NME8: variants seen among roughly 807,000 people sequenced by gnomAD.
NME8 encodes the protein NME/NM23 family member 8, also known as protein NME8.
In NME8, 72 loss-of-function variants were observed where a neutral mutation model predicts 82.3. That is an observed-to-expected ratio of 0.87 (90% CI 0.72 to 1.06). The LOEUF is 1.06. Ranked by LOEUF, NME8 falls within the 50% of genes least tolerant of loss-of-function variation. The probability of loss-of-function intolerance (pLI) is 0.00; values close to 1 mark genes in which losing one functional copy is unlikely to be tolerated. For missense variants in NME8, 712 were observed against 685.4 expected (o/e 1.04, Z -0.43); for synonymous variants, 267 against 228.5 (o/e 1.17, Z -1.52).
intron 11 of NME8, among the ~76,000 whole-genome samples, chr7:37,869,156 G>A (rs576660749): frequency 6.6e-6 from 1 of 152,248 alleles, no homozygotes; most frequent in South Asian, 2.1e-4. Flanking sequence ...CTTTTCTTGG[G>A]TGCCTACCTC....
At chr7:37,862,249 T>C in intron 7 of NME8, 105 bp downstream of exon 7, 1 of 757,598 alleles carries the variant, frequency 1.3e-6, no homozygotes, top group Non-Finnish European at 2.4e-6. Context: ...CTTTGAGTAC[T>C]TTATGTCTTT....
rs779678097 is a variant in NME8, at chr7:37,865,624, A to C, written c.621+7A>C. 1 of 1,594,840 alleles carries C rather than the reference A, an allele frequency of 6.3e-7. No individual in the cohort carries two copies. The highest frequency in any genetic ancestry group is 2.2e-5 in the East Asian group (1 of 44,724). On this transcript the variant is annotated splice_region_variant and intron_variant, in intron 10 of 17. Coordinates refer to ENST00000199447, the MANE Select transcript of NME8 (RefSeq NM_016616.5). ...TAGTCGAATAGCAGACCAGGTATGA[A>C]AGTTAAAAAGAAAAAATCCTCTATG...
At chr7:37,886,791 G>A (rs1008609204) in intron 14 of NME8, among the ~76,000 whole-genome samples, 1 of 152,042 alleles carries the variant, frequency 6.6e-6, no homozygotes, top group African/African-American at 2.4e-5. Flanking sequence ...AAGGGACTAG[G>A]GCTGAAGGTA....
chr7:37,881,216 A>T (rs1784940221), intron 12 of NME8, among the ~76,000 whole-genome samples: 1 of 152,104 alleles, frequency 6.6e-6, no homozygotes, highest in Admixed American at 6.6e-5. Flanking sequence ...AGTGAGAGGG[A>T]GTAGCTTTGC....
intron 5 of NME8, among the ~76,000 whole-genome samples, chr7:37,855,384 A>G (rs1048942548): frequency 6.6e-6 from 1 of 152,160 alleles, no homozygotes; most frequent in African/African-American, 2.4e-5. Flanking sequence ...TTTTATTGAG[A>G]AAGATAGCCC....
intron 8 of NME8, among the ~76,000 whole-genome samples, chr7:37,864,133 T>G (rs1784638662): frequency 6.6e-6 from 1 of 152,206 alleles, no homozygotes; most frequent in Admixed American, 6.5e-5. Context: ...TAAAAACTCT[T>G]GTAAATGTTT....
rs1784526221 is a variant in NME8, at chr7:37,857,341, G to C, written c.266G>C (p.Ser89Thr). ...RDKCEPVFLFSVNGKIIEKIQ... is the reference protein window; with the variant it reads ...RDKCEPVFLFTVNGKIIEKIQ... ...AAATGTGAACCTGTTTTTCTCTTTA[G>C]TGTTGTAAGTATATTTACTTTCTCA... is the stretch of plus-strand genomic sequence containing the variant. Residue 89 changes from serine to threonine, a missense_variant, in exon 6 of 18, where the codon AGT becomes ACT. By Grantham distance (58) the Ser-to-Thr change is moderately conservative. Coordinates refer to ENST00000199447, the MANE Select transcript of NME8 (RefSeq NM_016616.5). 1 of 1,599,122 alleles carries C rather than the reference G, an allele frequency of 6.3e-7. No individual in the cohort carries two copies. The highest frequency in any genetic ancestry group is 1.7e-5 in the Admixed American group (1 of 59,878).
At chr7:37,887,935 A>G (rs1017032187) in intron 14 of NME8, among the ~76,000 whole-genome samples, 2 of 152,176 alleles carry the variant, frequency 1.3e-5, no homozygotes, top group Admixed American at 6.6e-5. Context: ...AGCTCCCACT[A>G]GGTCCTGCCC....
At chr7:37,869,776 G>A (rs926947985) in intron 11 of NME8, among the ~76,000 whole-genome samples, 1 of 152,094 alleles carries the variant, frequency 6.6e-6, no homozygotes, top group Non-Finnish European at 1.5e-5. Flanking sequence ...GGGACAGTGT[G>A]GAGCATGCTT....
chr7:37,886,479 G>C (rs567278648), intron 14 of NME8, among the ~76,000 whole-genome samples: 1 of 152,250 alleles, frequency 6.6e-6, no homozygotes, highest in Non-Finnish European at 1.5e-5. Context: ...GGTTGCTTTA[G>C]GAATAACTCT....
chr7:37,891,246 T>C (rs1785124904), intron 15 of NME8, among the ~76,000 whole-genome samples: 1 of 151,140 alleles, frequency 6.6e-6, no homozygotes, highest in South Asian at 2.1e-4. Context: ...TCACTCTTGA[T>C]TTTTTTCTTC....
intron 15 of NME8, among the ~76,000 whole-genome samples, chr7:37,890,223 T>A (rs561477278): frequency 8.8e-4 from 134 of 152,080 alleles, no homozygotes; most frequent in Non-Finnish European, 1.4e-3. Flanking sequence ...TAAAGGCAGA[T>A]TTGTATTCAT....
chr7:37,874,013 C>G (rs2131957498), intron 11 of NME8, among the ~76,000 whole-genome samples: 1 of 152,298 alleles, frequency 6.6e-6, no homozygotes, highest in Admixed American at 6.5e-5. Context: ...AAGAAAAAGG[C>G]TGCAACCCCT....
intron 6 of NME8, among the ~76,000 whole-genome samples, chr7:37,859,028 G>T (rs1323229239): frequency 6.6e-6 from 1 of 152,062 alleles, no homozygotes; most frequent in African/African-American, 2.4e-5. Flanking sequence ...ATGAGAACAA[G>T]CTTCCTGAGG....
rs1583623460 is a variant in NME8, at chr7:37,850,201, A to C, written c.-7-59A>C. On this transcript the variant is annotated intron_variant, in intron 2 of 17. Transcript: ENST00000199447. ...TTTAAAAGATGTTATTTGCATGCAT[A>C]AAGAAAATGTTATTTAAATTTCCTA... The C allele has an allele frequency of 2.2e-6, 3 of 1,385,070 alleles. No individual in the cohort carries two copies. The East Asian group carries it at 6.9e-5, about 32-fold the overall frequency. 85.8% of individuals were successfully genotyped at this position (1,385,070 alleles called of 1,614,324 possible).
intron 5 of NME8, among the ~76,000 whole-genome samples, chr7:37,852,017 G>T (rs931743768): frequency 2.6e-5 from 4 of 151,992 alleles, no homozygotes; most frequent in Admixed American, 1.3e-4. Flanking sequence ...GCAGTTTAAA[G>T]CCTAGACACT....
intron 11 of NME8, 23 bp downstream of exon 11, chr7:37,867,921 G>C: frequency 6.2e-7 from 1 of 1,605,262 alleles, no homozygotes; most frequent in Non-Finnish European, 8.5e-7. Flanking sequence ...ACCAGGAATT[G>C]TGTTACTTGC....
intron 15 of NME8, among the ~76,000 whole-genome samples, chr7:37,891,216 GA>G (rs765973526): frequency 1.1e-4 from 16 of 151,544 alleles, no homozygotes; most frequent in Non-Finnish European, 2.2e-4. Flanking sequence ...ATATTTTCTT[GA>G]ATTCTGTAGG....
At position 37,867,851 on chromosome 7, in the gene NME8, G is replaced by A; in HGVS notation, c.771G>A (p.Glu257=). The A allele has an allele frequency of 6.2e-7, 1 of 1,613,860 alleles. No homozygotes were observed. The highest frequency in any genetic ancestry group is 8.5e-7 in the Non-Finnish European group (1 of 1,179,858). The change falls in exon 11 of 18, where the codon GAG becomes GAA. Residue 257 remains glutamate (E), a synonymous_variant. Coordinates refer to ENST00000199447, the MANE Select transcript of NME8 (RefSeq NM_016616.5). Reference sequence around the variant, plus strand: ...ACGAACGATCTGAGGATCAACCTGAGGTCGAAGCCCAGGTTACACCTGGAA... The same window carrying A: ...ACGAACGATCTGAGGATCAACCTGAAGTCGAAGCCCAGGTTACACCTGGAA... ...EPNERSEDQP[E]VEAQVTPGMM...
Sources: allele counts gnomAD v4.1 joint callset (sites outside exome capture counted in the v4.1 genomes callset), GRCh38; gene constraint gnomAD v4.1.1; transcripts MANE v1.5; gene names NCBI Gene and HGNC (gene_info 2026-07-23, HGNC 2026-07-21).